Variants in HDLBP observed in about 807,000 individuals in gnomAD.
The protein encoded by HDLBP is vigilin.
A neutral mutation model predicts 137.3 loss-of-function variants in HDLBP; 30 were observed. That is an observed-to-expected ratio of 0.22 (90% CI 0.16 to 0.30). HDLBP has a LOEUF of 0.30. Among genes scored for constraint, HDLBP ranks in the 10% least tolerant of loss-of-function variants. HDLBP has a pLI of 1.00. For synonymous variants in HDLBP, 606 were observed against 596.0 expected (o/e 1.02, Z -0.24); for missense variants, 1,119 against 1,667.3 (o/e 0.67, Z 5.73).
chr2:241,291,793 G>A (rs2075020426), intron 1 of HDLBP, among the ~76,000 whole-genome samples: 1 of 152,148 alleles, frequency 6.6e-6, no homozygotes, highest in Admixed American at 6.5e-5. Flanking sequence ...TATATGGGTG[G>A]GACGTAACCA....
intron 10 of HDLBP, 54 bp from the exon 11 acceptor site, chr2:241,253,089 C>T (rs1377162171): frequency 7.4e-7 from 1 of 1,357,858 alleles, no homozygotes; most frequent in African/African-American, 1.4e-5. Context: ...GGCCAATGAG[C>T]TGAACCAAAA....
At chr2:241,262,633 C>A in intron 5 of HDLBP, 78 bp downstream of exon 5, 1 of 1,096,176 alleles carries the variant, frequency 9.1e-7, no homozygotes, top group South Asian at 1.3e-5. Context: ...GGTCCAGTGA[C>A]GTTCTAGCCT....
chr2:241,240,029 C>T lies in HDLBP; in HGVS notation c.2263G>A (p.Asp755Asn), dbSNP rs2071045984. 6.2e-6 allele frequency: 10 copies of T among 1,614,186 alleles called. No individual in the cohort carries two copies. Among genetic ancestry groups the T allele is most frequent in the Non-Finnish European group, 8.5e-6 (10 of 1,180,036 alleles). Residue 755 changes from aspartate to asparagine, a missense_variant, in exon 18 of 28, where the codon GAC becomes AAC. Around this residue, in one of 4 missense-constraint regions of HDLBP, gnomAD observed 618 missense variants for 816.7 expected, o/e 0.76. Transcript: ENST00000310931. This position sits in a 1 kb window ranked among gnomAD's most constrained non-coding sequence, Gnocchi z 5.5. ...KGGGKIRKVR[D>N]STGARVIFPA... is the part of the protein sequence containing the mutation. ...AAGATGACACGTGCTCCAGTGCTGT[C>T]GCGCACCTTGCGAATTTTGCCGCCC...
At chr2:241,278,870 T>A (rs987195497) in intron 1 of HDLBP, among the ~76,000 whole-genome samples, 2 of 151,294 alleles carry the variant, frequency 1.3e-5, no homozygotes, top group South Asian at 4.2e-4. Context: ...CTATTAAAAA[T>A]AAATCTAAGC....
intron 27 of HDLBP, 27 bp from the exon 28 acceptor site, chr2:241,229,714 G>A (rs1307776161): frequency 6.2e-7 from 1 of 1,612,780 alleles, no homozygotes. Context: ...CACGGCTTCA[G>A]GAGGGGATGC....
chr2:241,246,481 G>T (rs1229209029), intron 16 of HDLBP: 2 of 395,486 alleles, frequency 5.1e-6, no homozygotes, highest in Non-Finnish European at 4.5e-6. Flanking sequence ...AATACCTTCA[G>T]ATAAGATTTT....
At chr2:241,255,261 C>T (rs1475445269) in intron 8 of HDLBP, 103 bp from the exon 9 acceptor site, 2 of 1,413,846 alleles carry the variant, frequency 1.4e-6, no homozygotes, top group African/African-American at 1.4e-5. Flanking sequence ...TCTCCCCAAA[C>T]CTGGGCACCT....
intron 5 of HDLBP, among the ~76,000 whole-genome samples, chr2:241,257,016 A>G (rs1446228748): frequency 6.6e-6 from 1 of 152,192 alleles, no homozygotes; most frequent in Non-Finnish European, 1.5e-5. Context: ...GTGTATCTGC[A>G]CCACTACTTA....
In HDLBP at chr2:241,260,694, T is replaced by C. The variant is rs545229710; in HGVS notation, c.450+2017A>G. On this transcript the variant is annotated intron_variant, in intron 5 of 27. Coordinates refer to ENST00000310931, the MANE Select transcript of HDLBP (RefSeq NM_005336.6). ...ACAAGGGAAGACCCAGACCTGAGCC[T>C]AATGATCAATCTCAAAATCAGTTCA... Among the ~76,000 whole-genome samples the C allele has an allele frequency of 9.8e-5, 15 of 152,290 alleles. No individual in the cohort carries two copies. The South Asian group carries it at 3.1e-3, about 32-fold the overall frequency.
chr2:241,262,679 C>T, intron 5 of HDLBP, 32 bp downstream of exon 5: 1 of 1,527,484 alleles, frequency 6.5e-7, no homozygotes, highest in Non-Finnish European at 9.1e-7. Context: ...GGTACACAGT[C>T]ACTGGGGAGA....
intron 1 of HDLBP, among the ~76,000 whole-genome samples, chr2:241,283,714 T>G (rs1009777352): frequency 3.3e-5 from 5 of 152,164 alleles, no homozygotes; most frequent in Non-Finnish European, 2.9e-5. Context: ...GACCTCGTGA[T>G]CCGCCCACCT....
chr2:241,275,736 C>T (rs1184879089), intron 1 of HDLBP, among the ~76,000 whole-genome samples: 1 of 152,134 alleles, frequency 6.6e-6, no homozygotes, highest in Non-Finnish European at 1.5e-5. Flanking sequence ...AGACCAAAGG[C>T]AGACCACTTA....
At chr2:241,300,474 C>G (rs1234564643) in intron 1 of HDLBP, among the ~76,000 whole-genome samples, 1 of 152,172 alleles carries the variant, frequency 6.6e-6, no homozygotes, top group Non-Finnish European at 1.5e-5. Context: ...CACACACACA[C>G]ATTTCCACCA....
In HDLBP at chr2:241,235,446, G is replaced by A. The variant is rs2305074; in HGVS notation, c.3009+44C>T. 8.4e-5 allele frequency: 127 copies of A among 1,513,150 alleles called. 3 individuals are homozygous for A. In the East Asian group the frequency reaches 2.7e-3, roughly 32 times the overall value. 93.7% of individuals were successfully genotyped at this position (1,513,150 alleles called of 1,614,324 possible). On this transcript the variant is annotated intron_variant, in intron 22 of 27. Transcript: ENST00000310931. ...GACACTGGCACTCGGGAGAGGATGC[G>A]ACAGGCCACTCCTGTGACATGGCCT...
At position 241,262,942 on chromosome 2, in the gene HDLBP, C is replaced by G. The variant is rs751384876; in HGVS notation, c.235-16G>C. The stretch of plus-strand genomic sequence containing the variant: ...CATGGAACACCTGCTCAAAAAAGAT[C>G]AAAAAAGGAAAGGTTAAGAGATTAA... On this transcript the variant is annotated splice_polypyrimidine_tract_variant and intron_variant, in intron 4 of 27. Coordinates refer to ENST00000310931, the MANE Select transcript of HDLBP (RefSeq NM_005336.6). 6.3e-7 allele frequency: 1 copy of G among 1,590,694 alleles called. No homozygotes were observed. Among genetic ancestry groups the G allele is most frequent in the South Asian group, 1.1e-5 (1 of 89,896 alleles).
intron 1 of HDLBP, among the ~76,000 whole-genome samples, chr2:241,290,910 G>A (rs1010570661): frequency 6.6e-6 from 1 of 152,154 alleles, no homozygotes; most frequent in Non-Finnish European, 1.5e-5. Context: ...GTTACTGTAA[G>A]AATATATTGT....
At chr2:241,266,949 C>G (rs1389393076) in intron 2 of HDLBP, 43 bp from the exon 3 acceptor site, 1 of 1,369,964 alleles carries the variant, frequency 7.3e-7, no homozygotes, top group Admixed American at 1.7e-5. Flanking sequence ...GTACAACCCT[C>G]AATTATCTAT....
chr2:241,269,479 G>A (rs566095257), intron 1 of HDLBP: 1 of 152,238 alleles, frequency 6.6e-6, no homozygotes, highest in African/African-American at 2.4e-5. Flanking sequence ...CAGAGGATGT[G>A]GACTGGTGGT....
intron 1 of HDLBP, among the ~76,000 whole-genome samples, chr2:241,313,954 TGCTTGGCACCAAGC>T (rs1356990510): frequency 3.3e-5 from 5 of 152,210 alleles, no homozygotes; most frequent in African/African-American, 9.7e-5. Flanking sequence ...CCTTCAACAG[TGCTTGGCACCAAGC>T]AAAACTAATA....
Sources: gnomAD v4.1 joint callset for allele counts (sites outside exome capture counted in the v4.1 genomes callset) on GRCh38, gnomAD v4.1.1 for gene constraint, gnomAD v4.1.1 regional missense constraint, Gnocchi (gnomAD v3.1) non-coding constraint, MANE v1.5 for transcripts, NCBI Gene and HGNC (gene_info 2026-07-23, HGNC 2026-07-21) for gene names.